Variants in MKX observed in about 807,000 individuals in gnomAD.
The protein encoded by MKX is homeobox protein Mohawk.
MKX carries 13 observed loss-of-function variants against 36.0 expected under a neutral mutation model. That is an observed-to-expected ratio of 0.36 (90% CI 0.24 to 0.57). The LOEUF is 0.57. MKX is among the 20% of genes least tolerant of loss of function. The pLI is 0.79. For synonymous variants in MKX, 176 were observed against 178.3 expected, an observed-to-expected ratio of 0.99 and a Z score of 0.10; for missense variants, 458 against 456.4, an observed-to-expected ratio of 1.00 and a Z score of -0.03.
intron 5 of MKX, among the ~76,000 whole-genome samples, chr10:27,696,530 T>C (rs930850138): frequency 3.3e-5 from 5 of 152,212 alleles, no homozygotes; most frequent in African/African-American, 9.6e-5. Flanking sequence ...TGATTGATGC[T>C]TGAGTGTGGA....
chr10:27,740,572 G>T (rs1390815030), intron 3 of MKX, among the ~76,000 whole-genome samples: 1 of 152,160 alleles, frequency 6.6e-6, no homozygotes, highest in Admixed American at 6.5e-5. Flanking sequence ...TGAACAGTAA[G>T]ATTCAGTTTT....
chr10:27,722,228 C>T (rs1834394832), intron 5 of MKX, among the ~76,000 whole-genome samples: 1 of 152,136 alleles, frequency 6.6e-6, no homozygotes, highest in Non-Finnish European at 1.5e-5. Context: ...ATGGTCAGAG[C>T]CCAACACCCC....
chr10:27,694,527 A>AAATATATATATATAT (rs547670335), intron 5 of MKX, among the ~76,000 whole-genome samples: 52 of 114,324 alleles, frequency 4.5e-4, no homozygotes, highest in African/African-American at 1.5e-3. Flanking sequence ...AAAAAAAAAA[A>AAATATATATATATAT]ATATATATAT....
At chr10:27,698,999 C>G (rs1332422766) in intron 5 of MKX, among the ~76,000 whole-genome samples, 1 of 152,060 alleles carries the variant, frequency 6.6e-6, no homozygotes, top group Non-Finnish European at 1.5e-5. Context: ...TGTAAAATAC[C>G]AGTCTTGAAA....
chr10:27,713,481 G>A (rs1836908921), intron 5 of MKX, among the ~76,000 whole-genome samples: 1 of 152,148 alleles, frequency 6.6e-6, no homozygotes, highest in Admixed American at 6.5e-5. Context: ...ACTTAACCAG[G>A]ATGGAAAACA....
At chr10:27,709,546 G>C (rs913695832) in intron 5 of MKX, among the ~76,000 whole-genome samples, 1 of 152,174 alleles carries the variant, frequency 6.6e-6, no homozygotes, top group African/African-American at 2.4e-5. Context: ...GGTAACAATA[G>C]CAAAACAAGG....
chr10:27,688,314 T>A (rs1836393396), intron 5 of MKX, among the ~76,000 whole-genome samples: 1 of 152,214 alleles, frequency 6.6e-6, no homozygotes, highest in Admixed American at 6.5e-5. Flanking sequence ...AAAACCATTA[T>A]GTAAGGAGAA....
At chr10:27,717,155 G>A (rs1270626500) in intron 5 of MKX, among the ~76,000 whole-genome samples, 1 of 152,056 alleles carries the variant, frequency 6.6e-6, no homozygotes, top group Non-Finnish European at 1.5e-5. Context: ...CTGTGTCATT[G>A]GCCTGGATAA....
chr10:27,729,204 T>C (rs546472260), intron 5 of MKX, among the ~76,000 whole-genome samples: 20 of 152,220 alleles, frequency 1.3e-4, no homozygotes, highest in Middle Eastern at 3.4e-3. Context: ...AGTTTAAACA[T>C]TCAAACTCTT....
At chr10:27,683,500 A>C (rs963843502) in intron 5 of MKX, among the ~76,000 whole-genome samples, 11 of 152,256 alleles carry the variant, frequency 7.2e-5, no homozygotes, top group African/African-American at 2.7e-4. Context: ...GTTAAGCAAC[A>C]CATGGCTATA....
chr10:27,738,756 T>A (rs1834831563), intron 3 of MKX, among the ~76,000 whole-genome samples: 1 of 152,084 alleles, frequency 6.6e-6, no homozygotes, highest in Non-Finnish European at 1.5e-5. Flanking sequence ...ACAGAGCAAT[T>A]GTTATAGTAC....
Position 27,741,491 on chromosome 10 carries a change from C to CA in MKX, c.201dup (p.Gly68TrpfsTer27). 1 of 1,592,978 alleles carries CA rather than the reference C, an allele frequency of 6.3e-7. No homozygotes were observed. The highest frequency in any genetic ancestry group is 8.5e-7 in the Non-Finnish European group (1 of 1,171,934). ...TGCCGCTTGTGCCTCACCTTCCCGC[C>CA]ATTCTGCCGGGCGCTGGGACATGGG... is the stretch of plus-strand genomic sequence containing the variant. On this transcript the variant is annotated frameshift_variant, in exon 3 of 7. Transcript: ENST00000419761. LOFTEE classifies it high-confidence loss of function. The surrounding 1 kb of genome is among the most constrained non-coding windows in gnomAD (Gnocchi z 5.1).
chr10:27,717,441 A>C (rs1836985223), intron 5 of MKX, among the ~76,000 whole-genome samples: 1 of 152,180 alleles, frequency 6.6e-6, no homozygotes, highest in Non-Finnish European at 1.5e-5. Flanking sequence ...ACCACATACT[A>C]CATTCCTGAC....
At chr10:27,711,172 C>A (rs965815204) in intron 5 of MKX, among the ~76,000 whole-genome samples, 4 of 152,136 alleles carry the variant, frequency 2.6e-5, no homozygotes, top group Admixed American at 1.3e-4. Context: ...AAATCCCAGG[C>A]AACAGTGCTT....
chr10:27,732,817 G>T (rs1186019886), intron 5 of MKX, among the ~76,000 whole-genome samples: 1 of 151,874 alleles, frequency 6.6e-6, no homozygotes, highest in Non-Finnish European at 1.5e-5. Context: ...GCATGATCAC[G>T]GCTCACTGCA....
intron 5 of MKX, among the ~76,000 whole-genome samples, chr10:27,701,400 A>G (rs1836650863): frequency 6.8e-6 from 1 of 147,120 alleles, no homozygotes; most frequent in Non-Finnish European, 1.5e-5. Flanking sequence ...ATAAAATTAT[A>G]AAATATAACA....
intron 3 of MKX, among the ~76,000 whole-genome samples, chr10:27,740,414 A>G (rs967912171): frequency 1.3e-5 from 2 of 152,198 alleles, no homozygotes; most frequent in African/African-American, 4.8e-5. Flanking sequence ...CACCGTATTT[A>G]TTTTAAAAAA....
intron 5 of MKX, among the ~76,000 whole-genome samples, chr10:27,721,135 T>C (rs1253236420): frequency 6.6e-6 from 1 of 152,046 alleles, no homozygotes; most frequent in Non-Finnish European, 1.5e-5. Context: ...AAAAATATTC[T>C]CCAAACTAAC....
At chr10:27,690,103 C>T (rs2451915) in intron 5 of MKX, among the ~76,000 whole-genome samples, 122,186 of 152,200 alleles carry the variant, frequency 0.8, 49,111 homozygotes, top group Admixed American at 0.84. Flanking sequence ...CCGGGTGTGG[C>T]GGCTCACGCT....
Sources: allele counts gnomAD v4.1 joint callset (sites outside exome capture counted in the v4.1 genomes callset), GRCh38; gene constraint gnomAD v4.1.1; non-coding constraint Gnocchi (gnomAD v3.1); transcripts MANE v1.5; gene names NCBI Gene and HGNC (gene_info 2026-07-23, HGNC 2026-07-21).